Variants in ERC1 observed in about 807,000 individuals in gnomAD.
The protein encoded by ERC1 is ELKS/RAB6-interacting/CAST family member 1, also known as RAB6 interacting protein 2.
ERC1 carries 56 observed loss-of-function variants against 132.0 expected under a neutral mutation model. That is an observed-to-expected ratio of 0.42 (90% confidence interval 0.34 to 0.53). The LOEUF (loss-of-function observed/expected upper bound fraction) is 0.53, where lower values mean the gene tolerates loss of function less well. ERC1 is among the 20% of genes least tolerant of loss of function. The pLI, the probability that ERC1 is intolerant of heterozygous loss-of-function variation, is 0.03. For synonymous variants in ERC1, 478 were observed against 476.1 expected (o/e 1.00, Z -0.05); for missense variants, 1,202 against 1,349.9 (o/e 0.89, Z 1.72).
chr12:1,367,486 A>G (rs1049374281), intron 15 of ERC1, among the ~76,000 whole-genome samples: 11 of 152,200 alleles, frequency 7.2e-5, no homozygotes, highest in African/African-American at 2.7e-4. Context: ...TTAAACACAC[A>G]CACATACTTA....
chr12:1,240,111 G>C (rs1425378346), intron 13 of ERC1, among the ~76,000 whole-genome samples: 1 of 152,202 alleles, frequency 6.6e-6, no homozygotes, highest in Admixed American at 6.5e-5. Context: ...GCCTAGGATA[G>C]ACAGTTTGAG....
At chr12:1,404,249 C>G (rs556382382) in intron 16 of ERC1, among the ~76,000 whole-genome samples, 5 of 152,308 alleles carry the variant, frequency 3.3e-5, no homozygotes, top group African/African-American at 1.2e-4. Flanking sequence ...GGCAAACGGG[C>G]TCCCTCGGGC....
At chr12:1,412,444 T>C (rs781590291) in intron 17 of ERC1, among the ~76,000 whole-genome samples, 3 of 152,032 alleles carry the variant, frequency 2.0e-5, no homozygotes, top group Non-Finnish European at 4.4e-5. Context: ...TCAGGAGAGG[T>C]GGTAAAACGT....
At chr12:1,238,055 T>C (rs2075545293) in intron 13 of ERC1, among the ~76,000 whole-genome samples, 1 of 152,190 alleles carries the variant, frequency 6.6e-6, no homozygotes, top group Admixed American at 6.5e-5. Context: ...AAAGTATAAA[T>C]TTCCTCAAAT....
chr12:1,106,297 A>G (rs1028013247), intron 4 of ERC1, among the ~76,000 whole-genome samples: 4 of 152,170 alleles, frequency 2.6e-5, no homozygotes, highest in Non-Finnish European at 5.9e-5. Flanking sequence ...TTTTGTTCAC[A>G]ATCTGTTCTT....
chr12:1,239,363 T>C (rs2075644287), intron 13 of ERC1, among the ~76,000 whole-genome samples: 1 of 152,098 alleles, frequency 6.6e-6, no homozygotes, highest in South Asian at 2.1e-4. Flanking sequence ...GCCCTATGGA[T>C]CATATTTAGA....
At chr12:1,438,972 A>T (rs77560863) in intron 17 of ERC1, among the ~76,000 whole-genome samples, 15,898 of 142,366 alleles carry the variant, frequency 0.11, 1,139 homozygotes, top group African/African-American at 0.2. Context: ...TATATATATA[A>T]AAAATGACAT....
intron 12 of ERC1, among the ~76,000 whole-genome samples, chr12:1,208,493 G>T (rs1163967188): frequency 6.6e-6 from 1 of 152,170 alleles, no homozygotes; most frequent in Admixed American, 6.5e-5. Flanking sequence ...TTATGTGTTT[G>T]TGACATCTAG....
chr12:996,767 A>G (rs568077818), intron 1 of ERC1, among the ~76,000 whole-genome samples: 9 of 152,326 alleles, frequency 5.9e-5, no homozygotes, highest in East Asian at 1.9e-4. Context: ...AGTCTCTCCT[A>G]TCCCATCTAG....
chr12:1,194,754 A>C (rs992952149), intron 12 of ERC1, among the ~76,000 whole-genome samples: 43 of 152,166 alleles, frequency 2.8e-4, no homozygotes, highest in African/African-American at 1.0e-3. Flanking sequence ...GTATTCAGAG[A>C]ATGACAACCA....
intron 8 of ERC1, among the ~76,000 whole-genome samples, chr12:1,172,981 G>A (rs1047294979): frequency 6.6e-6 from 1 of 152,162 alleles, no homozygotes; most frequent in Non-Finnish European, 1.5e-5. Flanking sequence ...GTGATTAGAT[G>A]TATGTTTCAT....
chr12:1,371,713 C>T lies in ERC1; in HGVS notation c.2781-120C>T, dbSNP rs148419157. ...AAGAATTGTTGGAAGGGGTGAATGG[C>T]GCTGTTGGCGTTTGCTTTCTTGGTT... On this transcript the variant is annotated intron_variant, in intron 15 of 18. Coordinates refer to ENST00000360905, the MANE Select transcript of ERC1 (RefSeq NM_178040.4). The T allele has an allele frequency of 1.0e-4, 119 of 1,184,138 alleles. 3 individuals are homozygous for T. In the African/African-American group the frequency reaches 1.1e-3, roughly 11 times the overall value. 73.4% of individuals were successfully genotyped at this position (1,184,138 alleles called of 1,614,324 possible).
chr12:1,187,373 T>A (rs1192964649), intron 11 of ERC1, among the ~76,000 whole-genome samples: 1 of 151,996 alleles, frequency 6.6e-6, no homozygotes, highest in Non-Finnish European at 1.5e-5. Flanking sequence ...TTTCCTAGCT[T>A]GATTTATTTT....
chr12:1,242,612 A>G (rs574354525), intron 13 of ERC1, among the ~76,000 whole-genome samples: 12 of 152,308 alleles, frequency 7.9e-5, no homozygotes, highest in Admixed American at 1.3e-4. Flanking sequence ...AATTCCTTAC[A>G]GAGCTCCTGT....
At chr12:1,119,511 TTGTGTG>T (rs1180385226) in intron 7 of ERC1, among the ~76,000 whole-genome samples, 9 of 138,942 alleles carry the variant, frequency 6.5e-5, no homozygotes, top group African/African-American at 2.5e-4. Context: ...TACTTCTTCT[TTGTGTG>T]TGTGTGTGTG....
intron 16 of ERC1, among the ~76,000 whole-genome samples, chr12:1,392,416 A>G (rs1223059605): frequency 6.6e-6 from 1 of 152,196 alleles, no homozygotes; most frequent in Non-Finnish European, 1.5e-5. Context: ...TATCTAAGTA[A>G]TCAGTAGGTT....
rs1168309698 is a variant in ERC1 at position 1,196,943 on chromosome 12, CACACACACACACACACACAT to C, written c.2351+6893_2351+6912del. 1.1e-3 allele frequency among the ~76,000 whole-genome samples: 45 copies of C among 42,282 alleles called. 1 individual carries two copies. The highest frequency in any genetic ancestry group is 6.9e-3 in the East Asian group (20 of 2,878). The allele number at this position is 42,282 out of a possible 152,430, so 27.7% of individuals were successfully genotyped here. A position where few individuals can be genotyped will look rare whatever the true frequency, so the allele number is the denominator to read the frequency against. ...ACACACACACACACACACACACACA[CACACACACACACACACACAT>C]ATATATATATATATTTTTTTTTTTT... On this transcript the variant is annotated intron_variant, in intron 12 of 18. Transcript: ENST00000360905.
chr12:991,330 G>T lies in ERC1; in HGVS notation c.-157+8G>T. On this transcript the variant is annotated splice_region_variant and intron_variant, in intron 1 of 18. Transcript: ENST00000360905. ...GCGGCAGCCCTGAGGACGGTGAGACGGCCGCGGCGGCGGCGACAGCGCGGA... is the reference window on the plus strand; with the variant it reads ...GCGGCAGCCCTGAGGACGGTGAGACTGCCGCGGCGGCGGCGACAGCGCGGA... 1 of 154,920 alleles carries T rather than the reference G, an allele frequency of 6.5e-6. No individual in the cohort carries two copies. 9.6% of individuals were successfully genotyped at this position (154,920 alleles called of 1,614,324 possible). A position where few individuals can be genotyped will look rare whatever the true frequency, so the allele number is the denominator to read the frequency against.
intron 17 of ERC1, among the ~76,000 whole-genome samples, chr12:1,415,486 C>T (rs1283663435): frequency 1.3e-5 from 2 of 152,216 alleles, no homozygotes; most frequent in African/African-American, 4.8e-5. Flanking sequence ...ACAAGCATCT[C>T]CTTCTCTTTT....
Sources: gnomAD v4.1 joint callset for allele counts (sites outside exome capture counted in the v4.1 genomes callset) on GRCh38, gnomAD v4.1.1 for gene constraint, MANE v1.5 for transcripts, NCBI Gene and HGNC (gene_info 2026-07-23, HGNC 2026-07-21) for gene names.